Variants in MUC4 observed in about 807,000 individuals in gnomAD.
MUC4 encodes mucin 4, cell surface associated.
In MUC4, 202 loss-of-function variants were observed where a neutral mutation model predicts 257.9. The ratio of observed to expected loss-of-function variants is 0.78; its 90% CI spans 0.70 to 0.88. The LOEUF is 0.88. MUC4 is among the 40% of genes least tolerant of loss of function. MUC4 has a pLI of 0.00. For synonymous variants in MUC4, 2,351 were observed against 2,757.1 expected, an observed-to-expected ratio of 0.85 and a Z score of 4.62; for missense variants, 5,976 against 6,513.7, an observed-to-expected ratio of 0.92 and a Z score of 2.84.
Position 195,778,341 on chromosome 3 carries a change from C to G in MUC4, c.12905G>C (p.Arg4302Pro). The change falls in exon 3 of 25, where the codon CGC (arginine) becomes CCC (proline). Residue 4302 changes from arginine (R) to proline (P), a missense_variant. Around this residue, in one of 44 missense-constraint regions of MUC4, gnomAD observed 233 missense variants for 171.2 expected, o/e 1.36. Coordinates refer to ENST00000463781, the MANE Select transcript of MUC4 (RefSeq NM_018406.7). Reference protein sequence around the residue: ...STIPSTAMHTRSTAAPIPILP... With the variant: ...STIPSTAMHTPSTAAPIPILP... ...GATGGGGATGGGGGCAGCTGTGGAG[C>G]GGGTGTGCATGGCAGTGCTGGGAAT... is the stretch of plus-strand genomic sequence containing the variant. 6.2e-7 allele frequency: 1 copy of G among 1,612,326 alleles called. No individual in the cohort carries two copies. The highest frequency in any genetic ancestry group is 1.1e-5 in the South Asian group (1 of 91,010).
chr3:195,753,944 T>C, intron 19 of MUC4: 2 of 410,276 alleles, frequency 4.9e-6, no homozygotes, highest in East Asian at 7.5e-5. Flanking sequence ...GCCTCAGGGA[T>C]GCCCAGCCCC....
intron 1 of MUC4, among the ~76,000 whole-genome samples, chr3:195,798,334 T>C (rs1180577439): frequency 1.3e-5 from 2 of 152,202 alleles, no homozygotes; most frequent in African/African-American, 2.4e-5. Flanking sequence ...TGGGAACATT[T>C]ATAGTTGAAA....
chr3:195,767,599 ATCATCACCATTG>A (rs1333126220), intron 7 of MUC4, among the ~76,000 whole-genome samples: 10 of 103,734 alleles, frequency 9.6e-5, no homozygotes, highest in Non-Finnish European at 1.4e-4. Context: ...CACCACCACC[ATCATCACCATTG>A]CCACCACCAT....
chr3:195,767,769 C>T lies in MUC4; in HGVS notation c.13530-1018G>A, dbSNP rs1430499065. 3.5e-4 allele frequency among the ~76,000 whole-genome samples: 41 copies of T among 117,404 alleles called. 4 individuals are homozygous for T. Among genetic ancestry groups the T allele is most frequent in the Middle Eastern group, 4.3e-3 (1 of 232 alleles). The allele number at this position is 117,404 out of a possible 152,430, so 77.0% of individuals were successfully genotyped here. On this transcript the variant is annotated intron_variant, in intron 7 of 24. Coordinates refer to ENST00000463781, the MANE Select transcript of MUC4 (RefSeq NM_018406.7). ...ATCGCCACCACCACCATCACCACCA[C>T]CACCACCATCACCACCATCATTGCC...
Position 195,788,818 on chromosome 3 carries a change from G to C in MUC4, c.2762C>G (p.Thr921Ser), listed in dbSNP as rs746810993. The C allele has an allele frequency of 1.2e-6, 2 of 1,613,942 alleles. No individual in the cohort carries two copies. The highest frequency in any genetic ancestry group is 1.1e-5 in the South Asian group (1 of 91,082). ...GGTTGCCTGGGACGCCAGGCTGATA[G>C]TGTCAGACCCTCTGCTGGTTCTTGT... Reference protein sequence around the residue: ...QRTRTSRGSDTISLASQATDT... With the variant: ...QRTRTSRGSDSISLASQATDT... The change falls in exon 2 of 25, where the codon ACT (threonine) becomes AGT (serine). Residue 921 changes from threonine (T) to serine (S), a missense_variant. This residue lies in a region of MUC4 where 1,583 missense variants were observed against 1,257.4 expected (regional missense o/e 1.26). Transcript: ENST00000463781.
At position 195,763,748 on chromosome 3, in the gene MUC4, G is replaced by A; in HGVS notation, c.14045-107C>T. On this transcript the variant is annotated intron_variant, in intron 11 of 24. Transcript: ENST00000463781. ...CTTGTCCAGGAGGACTCAGGGTGAG[G>A]TTCCTCACTGCAGTCGACTGGGGCA... 2.5e-6 allele frequency: 3 copies of A among 1,181,632 alleles called. No individual in the cohort carries two copies. The South Asian group carries it at 5.1e-5, about 20-fold the overall frequency. 73.2% of individuals were successfully genotyped at this position (1,181,632 alleles called of 1,614,324 possible). A position where few individuals can be genotyped will look rare whatever the true frequency, so the allele number is the denominator to read the frequency against.
chr3:195,763,055 A>C, intron 12 of MUC4, 110 bp from the exon 13 acceptor site: 1 of 943,180 alleles, frequency 1.1e-6, no homozygotes, highest in Non-Finnish European at 1.6e-6. Context: ...GGCCGGGAGG[A>C]AGGCGCTGGA....
chr3:195,765,166 A>G, intron 9 of MUC4, 44 bp from the exon 10 acceptor site: 1 of 1,582,022 alleles, frequency 6.3e-7, no homozygotes, highest in African/African-American at 1.4e-5. Flanking sequence ...TGGGGCTGCC[A>G]GGGGCGGGGT....
rs142787846 is a variant in MUC4, at chr3:195,778,187, G to C, written c.12943+116C>G. On this transcript the variant is annotated intron_variant, in intron 3 of 24. Transcript: ENST00000463781. ...GGAGCGACTCCGATGCTGTGTCCCTGTCCTCGGTAAGGCCCTCCCCACCCG... is the reference window on the plus strand; with the variant it reads ...GGAGCGACTCCGATGCTGTGTCCCTCTCCTCGGTAAGGCCCTCCCCACCCG... 254 of 1,336,200 alleles carry C rather than the reference G, an allele frequency of 1.9e-4. 1 individual carries two copies. In the East Asian group the frequency reaches 6.5e-3, roughly 34 times the overall value. The allele number at this position is 1,336,200 out of a possible 1,614,324, so 82.8% of individuals were successfully genotyped here. A position where few individuals can be genotyped will look rare whatever the true frequency, so the allele number is the denominator to read the frequency against.
At chr3:195,774,619 A>G (rs1048224543) in intron 3 of MUC4, among the ~76,000 whole-genome samples, 3 of 152,188 alleles carry the variant, frequency 2.0e-5, no homozygotes, top group Non-Finnish European at 4.4e-5. Flanking sequence ...ACAAAAGTCT[A>G]TGCTGGGTGC....
chr3:195,747,241 G>A lies in MUC4; in HGVS notation c.16174C>T (p.Arg5392Cys), dbSNP rs765370681. 14 of 1,614,250 alleles carry A rather than the reference G, an allele frequency of 8.7e-6. No homozygotes were observed. The highest frequency in any genetic ancestry group is 1.1e-5 in the Non-Finnish European group (13 of 1,180,042). The change falls in exon 25 of 25, where the codon CGC becomes TGC. Residue 5392 changes from arginine (R) to cysteine (C), a missense_variant. Coordinates refer to ENST00000463781, the MANE Select transcript of MUC4 (RefSeq NM_018406.7). ...CTGGCCCCGGAGCAACCCCAGAAGCGCAGGACCACGAACGTCCCGACCCCC... is the reference window on the plus strand; with the variant it reads ...CTGGCCCCGGAGCAACCCCAGAAGCACAGGACCACGAACGTCCCGACCCCC... Reference protein sequence around the residue: ...LLGVGTFVVLRFWGCSGARFS... With the variant: ...LLGVGTFVVLCFWGCSGARFS...
At position 195,763,517 on chromosome 3, in the gene MUC4, G is replaced by A; in HGVS notation, c.14169C>T (p.Arg4723=). 1.9e-6 allele frequency: 3 copies of A among 1,567,482 alleles called. No individual in the cohort carries two copies. Among genetic ancestry groups the A allele is most frequent in the South Asian group, 1.2e-5 (1 of 84,740 alleles). ...CCTGGGCTGAGCCAGTCTGGGCGGT[G>A]CGGCCCTGAAGCAGGAAGGAGGAGT... ...DGNSSFLLQG[R]TAQTGSAQAT... The change falls in exon 12 of 25, where the codon CGC becomes CGT. Residue 4723 remains arginine, a synonymous_variant. Coordinates refer to ENST00000463781, the MANE Select transcript of MUC4 (RefSeq NM_018406.7).
Position 195,781,269 on chromosome 3 carries a change from G to T in MUC4, c.10311C>A (p.His3437Gln), listed in dbSNP as rs1553872831. Residue 3437 changes from histidine to glutamine, a missense_variant, in exon 2 of 25, where the codon CAC becomes CAA. Physicochemically the swap from His to Gln is conservative, Grantham distance 24. Coordinates refer to ENST00000463781, the MANE Select transcript of MUC4 (RefSeq NM_018406.7). ...VTSTSSASTG[H>Q]ATPVPVTSTS... ...TGCTGGTGACAGGAACAGGGGTGGC[G>T]TGACCGGTGGATGCTGAGGAAGTGC... 11 of 1,504,990 alleles carry T rather than the reference G, an allele frequency of 7.3e-6. No individual in the cohort carries two copies. In the East Asian group the frequency reaches 2.8e-4, roughly 38 times the overall value. The allele number at this position is 1,504,990 out of a possible 1,614,324, so 93.2% of individuals were successfully genotyped here.
In MUC4 at chr3:195,782,337, T is replaced by G; in HGVS notation, c.9243A>C (p.Ala3081=). ...GAAGAGGGGTGGCGTGACCTGTGGATGCTGAGGAAGTGTCGGTGACAGGAA... is the reference window on the plus strand; with the variant it reads ...GAAGAGGGGTGGCGTGACCTGTGGAGGCTGAGGAAGTGTCGGTGACAGGAA... The part of the protein sequence containing the change: ...TPLPVTDTSS[A]STGHATPLPV... The change falls in exon 2 of 25, where the codon GCA becomes GCC. Residue 3081 remains alanine (A), a synonymous_variant. Coordinates refer to ENST00000463781, the MANE Select transcript of MUC4 (RefSeq NM_018406.7). 6.8e-7 allele frequency: 1 copy of G among 1,462,048 alleles called. No individual in the cohort carries two copies. The highest frequency in any genetic ancestry group is 9.1e-7 in the Non-Finnish European group (1 of 1,094,734). The allele number at this position is 1,462,048 out of a possible 1,614,324, so 90.6% of individuals were successfully genotyped here. A position where few individuals can be genotyped will look rare whatever the true frequency, so the allele number is the denominator to read the frequency against.
rs1160274896 is a variant in MUC4 at position 195,782,236 on chromosome 3, G to C, written c.9344C>G (p.Thr3115Arg). 6 of 1,529,908 alleles carry C rather than the reference G, an allele frequency of 3.9e-6. No individual in the cohort carries two copies. The highest frequency in any genetic ancestry group is 3.5e-6 in the Non-Finnish European group (4 of 1,136,852). The allele number at this position is 1,529,908 out of a possible 1,614,324, so 94.8% of individuals were successfully genotyped here. ...LPVTSPSSASTGHTTPLPVTD... is the reference protein window; with the variant it reads ...LPVTSPSSASRGHTTPLPVTD... Reference sequence around the variant, plus strand: ...GACAGGAAGAGGGGTGGTGTGACCTGTGGATGCTGAGGAAGGGCTAGTGAC... The same window carrying C: ...GACAGGAAGAGGGGTGGTGTGACCTCTGGATGCTGAGGAAGGGCTAGTGAC... The change falls in exon 2 of 25, where the codon ACA (threonine) becomes AGA (arginine). Residue 3115 changes from threonine to arginine, a missense_variant. Physicochemically the swap from Thr to Arg is moderately conservative, Grantham distance 71 (BLOSUM62 -1). This residue lies in a region of MUC4 where 128 missense variants were observed against 104.8 expected (regional missense o/e 1.22). Transcript: ENST00000463781.
At chr3:195,793,042 T>C (rs1030406757) in intron 1 of MUC4, among the ~76,000 whole-genome samples, 1 of 152,054 alleles carries the variant, frequency 6.6e-6, no homozygotes, top group Admixed American at 6.6e-5. Context: ...AGGTGATGGG[T>C]TGATAGGTGC....
intron 1 of MUC4, among the ~76,000 whole-genome samples, chr3:195,802,329 C>CGTA (rs1255373060): frequency 3.5e-5 from 5 of 141,486 alleles, no homozygotes; most frequent in African/African-American, 1.2e-4. Flanking sequence ...ACATCCTCCC[C>CGTA]GTCGCTTTGA....
intron 18 of MUC4, 55 bp from the exon 19 acceptor site, chr3:195,754,427 C>T: frequency 6.4e-7 from 1 of 1,554,628 alleles, no homozygotes; most frequent in Non-Finnish European, 8.7e-7. Context: ...GGAAGGGCTT[C>T]TGGGTGTTTC....
intron 17 of MUC4, among the ~76,000 whole-genome samples, chr3:195,758,435 G>A (rs1189635969): frequency 6.6e-6 from 1 of 152,058 alleles, no homozygotes; most frequent in African/African-American, 2.4e-5. Flanking sequence ...CTACATTAGA[G>A]CCTTCCTTTA....
Sources: allele counts gnomAD v4.1 joint callset (sites outside exome capture counted in the v4.1 genomes callset), GRCh38; gene constraint gnomAD v4.1.1; regional missense constraint gnomAD v4.1.1; transcripts MANE v1.5; gene names NCBI Gene and HGNC (gene_info 2026-07-23, HGNC 2026-07-21).